EXT1: variants seen among roughly 807,000 people sequenced by gnomAD.
EXT1 encodes the protein exostosin glycosyltransferase 1.
Under a neutral mutation model 82.5 loss-of-function variants are expected in EXT1, and 20 were observed. That is an observed-to-expected ratio of 0.24 (90% CI 0.17 to 0.35). EXT1 has a LOEUF of 0.35. Among genes scored for constraint, EXT1 ranks in the 10% least tolerant of loss-of-function variants. EXT1 has a pLI of 1.00. For synonymous variants in EXT1, 348 were observed against 350.8 expected (o/e 0.99, Z 0.09); for missense variants, 757 against 936.5 (o/e 0.81, Z 2.50).
At chr8:118,022,067 G>T (rs1327497331) in intron 1 of EXT1, among the ~76,000 whole-genome samples, 1 of 152,110 alleles carries the variant, frequency 6.6e-6, no homozygotes, top group Non-Finnish European at 1.5e-5. Context: ...CGTAGAGAGA[G>T]AGCTGGGTCA....
At chr8:117,864,545 C>T (rs1051225767) in intron 1 of EXT1, among the ~76,000 whole-genome samples, 2 of 151,978 alleles carry the variant, frequency 1.3e-5, no homozygotes, top group East Asian at 3.9e-4. Context: ...GTCAGGAGAT[C>T]GAGACCATCC....
At chr8:118,015,799 G>A (rs1815991700) in intron 1 of EXT1, among the ~76,000 whole-genome samples, 1 of 152,188 alleles carries the variant, frequency 6.6e-6, no homozygotes, top group African/African-American at 2.4e-5. Flanking sequence ...CCTGGAGTGG[G>A]GAGGGCCCTT....
intron 1 of EXT1, among the ~76,000 whole-genome samples, chr8:117,863,658 G>A (rs1373987745): frequency 1.3e-5 from 2 of 151,966 alleles, no homozygotes; most frequent in Non-Finnish European, 2.9e-5. Context: ...GTAAATCAGC[G>A]CACTAGATAT....
intron 1 of EXT1, among the ~76,000 whole-genome samples, chr8:117,893,888 C>T (rs1379717855): frequency 1.3e-5 from 2 of 152,182 alleles, no homozygotes; most frequent in Non-Finnish European, 2.9e-5. Context: ...GAGAAAGAAT[C>T]CCCACGCTGG....
chr8:117,897,021 A>C (rs7459527), intron 1 of EXT1, among the ~76,000 whole-genome samples: 143,258 of 152,188 alleles, frequency 0.94, 67,831 homozygotes, highest in Non-Finnish European at 1. Context: ...CCCCTACTTG[A>C]CAGCTATTCT....
chr8:117,891,082 A>G (rs1813233636), intron 1 of EXT1, among the ~76,000 whole-genome samples: 1 of 152,176 alleles, frequency 6.6e-6, no homozygotes, highest in South Asian at 2.1e-4. Flanking sequence ...AATGCAACTG[A>G]TTTGCCCACA....
chr8:117,837,094 C>T lies in EXT1; in HGVS notation c.1056+14G>A. On this transcript the variant is annotated intron_variant, in intron 2 of 10. Transcript: ENST00000378204. ...TCCTCAGCCCTATTCTGGGAAGGCT[C>T]CAGGGCCTCTTACCTGCAAAGCCTC... 1 of 1,608,732 alleles carries T rather than the reference C, an allele frequency of 6.2e-7. No individual in the cohort carries two copies. The highest frequency in any genetic ancestry group is 1.3e-5 in the African/African-American group (1 of 74,928).
At chr8:117,889,320 A>C (rs1813202279) in intron 1 of EXT1, among the ~76,000 whole-genome samples, 1 of 152,134 alleles carries the variant, frequency 6.6e-6, no homozygotes, top group South Asian at 2.1e-4. Context: ...GCTATTTATC[A>C]CCCTAATCCA....
At chr8:118,003,654 C>T (rs1365731744) in intron 1 of EXT1, among the ~76,000 whole-genome samples, 1 of 152,094 alleles carries the variant, frequency 6.6e-6, no homozygotes, top group Non-Finnish European at 1.5e-5. Context: ...ATTTTACTTG[C>T]CCCATAACTA....
At chr8:117,870,993 A>G (rs1023225722) in intron 1 of EXT1, among the ~76,000 whole-genome samples, 6 of 152,174 alleles carry the variant, frequency 3.9e-5, no homozygotes, top group Admixed American at 3.3e-4. Context: ...AGGTTAAAAG[A>G]GCAAATCTCT....
intron 1 of EXT1, among the ~76,000 whole-genome samples, chr8:117,933,672 C>T (rs1732557791): frequency 1.3e-5 from 2 of 152,142 alleles, no homozygotes; most frequent in Admixed American, 6.5e-5. Context: ...GCGTCCCATG[C>T]ACCTAGGCAA....
chr8:117,859,119 A>G (rs1354040718), intron 1 of EXT1, among the ~76,000 whole-genome samples: 1 of 152,228 alleles, frequency 6.6e-6, no homozygotes, highest in Non-Finnish European at 1.5e-5. Flanking sequence ...ATAGACTACA[A>G]TATAGTGTAA....
chr8:117,900,798 T>TA (rs1011544637), intron 1 of EXT1, among the ~76,000 whole-genome samples: 5 of 151,982 alleles, frequency 3.3e-5, no homozygotes, highest in African/African-American at 1.2e-4. Context: ...GGACTAAGGG[T>TA]AAAAAAAGGC....
chr8:118,062,828 G>T (rs1217894963), intron 1 of EXT1, among the ~76,000 whole-genome samples: 1 of 152,146 alleles, frequency 6.6e-6, no homozygotes, highest in African/African-American at 2.4e-5. Context: ...TGCTAGACTA[G>T]TTGCCAAAAA....
rs17503440 is a variant in EXT1, at chr8:117,834,299, G to T, written c.1164+1145C>A. On this transcript the variant is annotated intron_variant, in intron 3 of 10. Transcript: ENST00000378204. ...TAGCAGACTGGGCAGCAGCACAGAA[G>T]GAGAATCAACAACAGACTTAAGAGG... Among the ~76,000 whole-genome samples the T allele has an allele frequency of 3.4e-3, 520 of 152,226 alleles. 4 individuals are homozygous for T. Among genetic ancestry groups the T allele is most frequent in the African/African-American group, 0.012 (485 of 41,552 alleles).
intron 1 of EXT1, among the ~76,000 whole-genome samples, chr8:117,980,727 T>TCCAG (rs1815179589): frequency 7.4e-6 from 1 of 134,726 alleles, no homozygotes; most frequent in South Asian, 2.5e-4. Flanking sequence ...TTTTTTTTTT[T>TCCAG]TTTTCCAGTG....
At chr8:117,977,158 G>A (rs1815081370) in intron 1 of EXT1, among the ~76,000 whole-genome samples, 1 of 152,084 alleles carries the variant, frequency 6.6e-6, no homozygotes, top group Non-Finnish European at 1.5e-5. Flanking sequence ...AGGCCGAGGT[G>A]GGTGGATCAC....
chr8:117,895,154 G>A (rs577312892), intron 1 of EXT1, among the ~76,000 whole-genome samples: 2 of 152,152 alleles, frequency 1.3e-5, no homozygotes, highest in Admixed American at 6.5e-5. Flanking sequence ...TGAAGTTACA[G>A]TGAGTGATTT....
At chr8:117,991,726 T>A (rs1451112187) in intron 1 of EXT1, among the ~76,000 whole-genome samples, 1 of 152,028 alleles carries the variant, frequency 6.6e-6, no homozygotes, top group Non-Finnish European at 1.5e-5. Flanking sequence ...CACACCCAAC[T>A]AATTTTTGTA....
Sources: gnomAD v4.1 joint callset for allele counts (sites outside exome capture counted in the v4.1 genomes callset) on GRCh38, gnomAD v4.1.1 for gene constraint, MANE v1.5 for transcripts, NCBI Gene and HGNC (gene_info 2026-07-23, HGNC 2026-07-21) for gene names.